DLGAP2: variants seen among roughly 807,000 people sequenced by gnomAD.
The protein encoded by DLGAP2 is DLG associated protein 2.
A neutral mutation model predicts 100.3 loss-of-function variants in DLGAP2; 26 were observed. The ratio of observed to expected loss-of-function variants is 0.26; its 90% CI spans 0.19 to 0.36. The LOEUF (loss-of-function observed/expected upper bound fraction) is 0.36, where lower values mean the gene tolerates loss of function less well. Among genes scored for constraint, DLGAP2 ranks in the 10% least tolerant of loss-of-function variants. The probability of loss-of-function intolerance (pLI) is 1.00; values close to 1 mark genes in which losing one functional copy is unlikely to be tolerated. For missense variants in DLGAP2, 1,858 were observed against 1,453.2 expected (o/e 1.28, Z -4.53); for synonymous variants, 886 against 630.1 (o/e 1.41, Z -6.08).
At chr8:1,562,161 C>G (rs1390180707) in intron 5 of DLGAP2, among the ~76,000 whole-genome samples, 1 of 20,520 alleles carries the variant, frequency 4.9e-5, no homozygotes, top group Admixed American at 5.9e-4. Context: ...TTGGGGTGTC[C>G]GCGCCTCGTT....
At chr8:1,328,589 G>A (rs1268545793) in intron 3 of DLGAP2, among the ~76,000 whole-genome samples, 1 of 152,168 alleles carries the variant, frequency 6.6e-6, no homozygotes, top group Non-Finnish European at 1.5e-5. Context: ...GACCTCAGGT[G>A]ATCTGCCCGC....
intron 2 of DLGAP2, among the ~76,000 whole-genome samples, chr8:1,156,628 C>CT (rs1490543410): frequency 1.3e-5 from 2 of 151,946 alleles, no homozygotes; most frequent in African/African-American, 4.8e-5. Context: ...AGCGCCCCAG[C>CT]CCAGCGCCCC....
intron 2 of DLGAP2, among the ~76,000 whole-genome samples, chr8:984,358 A>T (rs907134355): frequency 1.3e-5 from 2 of 152,282 alleles, no homozygotes; most frequent in Non-Finnish European, 2.9e-5. Flanking sequence ...TGCTCAGTCC[A>T]TAAAAAAACT....
chr8:1,587,478 A>C (rs1796156385), intron 6 of DLGAP2, among the ~76,000 whole-genome samples: 2 of 152,110 alleles, frequency 1.3e-5, no homozygotes, highest in Admixed American at 6.6e-5. Flanking sequence ...TTGTTGTTTC[A>C]TTCTTTATCT....
intron 1 of DLGAP2, among the ~76,000 whole-genome samples, chr8:894,277 A>G (rs1311717040): frequency 6.6e-6 from 1 of 152,186 alleles, no homozygotes; most frequent in African/African-American, 2.4e-5. Context: ...TTGTCACTCC[A>G]GCACGGTCGA....
chr8:1,124,315 G>A (rs1171680023), intron 2 of DLGAP2, among the ~76,000 whole-genome samples: 1 of 152,142 alleles, frequency 6.6e-6, no homozygotes. Flanking sequence ...CTTCCAGAAG[G>A]GTTTCCACTT....
intron 2 of DLGAP2, among the ~76,000 whole-genome samples, chr8:1,099,947 G>A (rs955793500): frequency 2.0e-5 from 3 of 152,146 alleles, no homozygotes; most frequent in Admixed American, 6.5e-5. Flanking sequence ...TTTGCTTCCC[G>A]AGATTTCAGT....
At chr8:1,672,035 G>C (rs1798702441) in intron 10 of DLGAP2, among the ~76,000 whole-genome samples, 1 of 152,154 alleles carries the variant, frequency 6.6e-6, no homozygotes, top group Admixed American at 6.5e-5. Flanking sequence ...TGTCTCTCCT[G>C]CTAAGTTTTC....
chr8:1,314,978 A>C (rs976244243), intron 3 of DLGAP2, among the ~76,000 whole-genome samples: 7 of 152,232 alleles, frequency 4.6e-5, no homozygotes, highest in African/African-American at 1.7e-4. Flanking sequence ...CTATCCCAGC[A>C]GTTCTAAGCC....
intron 3 of DLGAP2, among the ~76,000 whole-genome samples, chr8:1,343,823 T>A (rs1364742789): frequency 1.3e-5 from 2 of 152,036 alleles, no homozygotes; most frequent in Admixed American, 6.6e-5. Context: ...TCCCTGCACG[T>A]CCACCCGTGA....
intron 3 of DLGAP2, among the ~76,000 whole-genome samples, chr8:1,318,588 G>T (rs1389618142): frequency 6.6e-6 from 1 of 151,384 alleles, no homozygotes; most frequent in Non-Finnish European, 1.5e-5. Context: ...ATCACCTAGG[G>T]GAACAGATTC....
At chr8:1,526,353 C>G (rs571990825) in intron 4 of DLGAP2, among the ~76,000 whole-genome samples, 1 of 152,076 alleles carries the variant, frequency 6.6e-6, no homozygotes, top group South Asian at 2.1e-4. Flanking sequence ...GAGTCTCCCC[C>G]ACTCACAGGG....
intron 4 of DLGAP2, among the ~76,000 whole-genome samples, chr8:1,527,341 G>T (rs1467656408): frequency 6.6e-6 from 1 of 152,268 alleles, no homozygotes; most frequent in African/African-American, 2.4e-5. Flanking sequence ...CCCTCCGGGA[G>T]GGGCCACCTG....
chr8:1,355,588 C>G (rs1188352661), intron 3 of DLGAP2, among the ~76,000 whole-genome samples: 2 of 152,142 alleles, frequency 1.3e-5, no homozygotes, highest in Admixed American at 6.5e-5. Flanking sequence ...TGGTCTTGAA[C>G]TCCTGACCTC....
At chr8:903,479 G>A (rs929808156) in intron 1 of DLGAP2, among the ~76,000 whole-genome samples, 2 of 152,116 alleles carry the variant, frequency 1.3e-5, no homozygotes, top group Non-Finnish European at 2.9e-5. Context: ...TATGGCTTGT[G>A]TAGAGCTAGT....
chr8:924,934 T>C (rs1238792785), intron 2 of DLGAP2, among the ~76,000 whole-genome samples: 2 of 152,204 alleles, frequency 1.3e-5, no homozygotes, highest in East Asian at 3.8e-4. Context: ...GCCTGCTTGC[T>C]ATTAATATAT....
intron 2 of DLGAP2, among the ~76,000 whole-genome samples, chr8:1,001,551 C>T (rs190765978): frequency 2.0e-5 from 3 of 152,018 alleles, no homozygotes; most frequent in Non-Finnish European, 4.4e-5. Flanking sequence ...GTCATGAAAC[C>T]TCAAACGAAA....
chr8:919,481 C>T (rs936041522), intron 2 of DLGAP2, among the ~76,000 whole-genome samples: 4 of 152,184 alleles, frequency 2.6e-5, no homozygotes, highest in Admixed American at 6.5e-5. Flanking sequence ...TGCTGATGAG[C>T]TCCAAGGAAA....
chr8:1,624,339 G>A (rs1435476695), intron 6 of DLGAP2, among the ~76,000 whole-genome samples: 1 of 152,092 alleles, frequency 6.6e-6, no homozygotes, highest in Non-Finnish European at 1.5e-5. Flanking sequence ...ACAAAGGTGA[G>A]TCAAGTTAAG....
Sources: allele counts gnomAD v4.1 joint callset (sites outside exome capture counted in the v4.1 genomes callset), GRCh38; gene constraint gnomAD v4.1.1; transcripts MANE v1.5; gene names NCBI Gene and HGNC (gene_info 2026-07-23, HGNC 2026-07-21).